ACTA2: variants seen among roughly 807,000 people sequenced by gnomAD.
ACTA2 encodes actin alpha 2, smooth muscle.
ACTA2 carries 12 observed loss-of-function variants against 39.5 expected under a neutral mutation model. The ratio of observed to expected loss-of-function variants is 0.30; its 90% CI spans 0.19 to 0.49. The LOEUF is 0.49. Ranked by LOEUF, ACTA2 falls within the 20% of genes least tolerant of loss-of-function variation. The probability of loss-of-function intolerance (pLI) is 0.99; values close to 1 mark genes in which losing one functional copy is unlikely to be tolerated. For missense variants in ACTA2, 236 were observed against 498.8 expected (o/e 0.47, Z 5.02); for synonymous variants, 158 against 180.6 (o/e 0.88, Z 1.00).
intron 1 of ACTA2, among the ~76,000 whole-genome samples, chr10:88,975,502 CAGGTGGAACAGT>C (rs1846541837): frequency 6.6e-6 from 1 of 152,108 alleles, no homozygotes. Context: ...CGTAAAGAAT[CAGGTGGAACAGT>C]AGAGATGGTA....
At chr10:88,973,325 A>G (rs760022320) in intron 1 of ACTA2, 1 of 1,560,414 alleles carries the variant, frequency 6.4e-7, no homozygotes, top group South Asian at 1.2e-5. Context: ...AGAGACAAGA[A>G]GTGGAATGGA....
chr10:88,983,633 A>G (rs1398891193), intron 1 of ACTA2, among the ~76,000 whole-genome samples: 2 of 135,890 alleles, frequency 1.5e-5, no homozygotes, highest in Admixed American at 7.4e-5. Context: ...AAAAAAAAAA[A>G]AAAAAACACA....
chr10:88,980,154 G>C (rs1846674849), intron 1 of ACTA2, among the ~76,000 whole-genome samples: 1 of 151,964 alleles, frequency 6.6e-6, no homozygotes, highest in Admixed American at 6.5e-5. Flanking sequence ...AAATGAAATA[G>C]TTCAGTTTTA....
rs150563493 is a variant in ACTA2 at position 88,965,576 on chromosome 10, C to T, written c.-23-16623G>A. ...AGGAGGTCAAACACATTAGGTATAC[C>T]AACATATCGACCACCAAAAGCCAAT... is the stretch of plus-strand genomic sequence containing the variant. On this transcript the variant is annotated intron_variant, in intron 1 of 4. Coordinates refer to the ACTA2 transcript ENST00000415557. Among the ~76,000 whole-genome samples, 910 of 152,148 alleles carry T rather than the reference C, an allele frequency of 6.0e-3. 14 individuals are homozygous for T. The highest frequency in any genetic ancestry group is 0.021 in the African/African-American group (855 of 41,526).
intron 1 of ACTA2, among the ~76,000 whole-genome samples, chr10:88,959,681 T>C (rs1270384601): frequency 6.6e-6 from 1 of 152,246 alleles, no homozygotes; most frequent in African/African-American, 2.4e-5. Context: ...TATTTATACA[T>C]TTTTAAGGAA....
chr10:88,978,850 C>A (rs977169946), intron 1 of ACTA2, among the ~76,000 whole-genome samples: 7 of 151,998 alleles, frequency 4.6e-5, no homozygotes, highest in African/African-American at 9.7e-5. Context: ...TTAGAAGCAA[C>A]CTTCCTTATT....
chr10:88,948,100 C>T, intron 2 of ACTA2: 1 of 156,536 alleles, frequency 6.4e-6, no homozygotes, highest in Admixed American at 6.1e-5. Flanking sequence ...GCGGCTTGTG[C>T]AGAATATCTC....
chr10:88,954,995 T>G (rs1283218685), upstream of ACTA2, among the ~76,000 whole-genome samples: 1 of 64,676 alleles, frequency 1.5e-5, no homozygotes, highest in Non-Finnish European at 3.1e-5. Flanking sequence ...ATGGAACAAT[T>G]AGAAAAACAG....
chr10:88,971,912 CT>C (rs547839484), intron 1 of ACTA2, among the ~76,000 whole-genome samples: 942 of 139,630 alleles, frequency 6.7e-3, no homozygotes, highest in Middle Eastern at 7.4e-3. Context: ...AAGGGGACTA[CT>C]TTTTTTTTTT....
intron 6 of ACTA2, 121 bp downstream of exon 6, chr10:88,941,108 G>A (rs529718616): frequency 8.1e-7 from 1 of 1,241,098 alleles, no homozygotes; most frequent in African/African-American, 1.5e-5. Context: ...CTGTGCATTA[G>A]AGCCAGGCCT....
chr10:88,980,040 C>T (rs922893015), intron 1 of ACTA2, among the ~76,000 whole-genome samples: 11 of 152,286 alleles, frequency 7.2e-5, no homozygotes, highest in South Asian at 2.1e-4. Context: ...CCAGCTGAGC[C>T]GAAAGATAAA....
rs768473863 is a variant in ACTA2 at position 88,943,950 on chromosome 10, T to C, written c.259-43A>G. 1.9e-6 allele frequency: 3 copies of C among 1,572,780 alleles called. No homozygotes were observed. The East Asian group carries it at 6.7e-5, about 35-fold the overall frequency. ...AGAGGAGAAACACAATGATGTGCTGTCATGAGGTCCTGCATTTCCCAAAAA... is the reference window on the plus strand; with the variant it reads ...AGAGGAGAAACACAATGATGTGCTGCCATGAGGTCCTGCATTTCCCAAAAA... On this transcript the variant is annotated intron_variant, in intron 3 of 8. Coordinates refer to ENST00000224784, the MANE Select transcript of ACTA2 (RefSeq NM_001613.4).
chr10:88,942,361 T>C (rs1029276192), intron 4 of ACTA2, among the ~76,000 whole-genome samples: 4 of 152,248 alleles, frequency 2.6e-5, no homozygotes, highest in Non-Finnish European at 4.4e-5. Flanking sequence ...AGAGAACTTT[T>C]AAATCTGAAG....
At chr10:88,980,454 A>G (rs1263015086) in intron 1 of ACTA2, among the ~76,000 whole-genome samples, 1 of 152,188 alleles carries the variant, frequency 6.6e-6, no homozygotes, top group East Asian at 1.9e-4. Flanking sequence ...GCCAAAAGAG[A>G]GACGCATTTC....
chr10:88,943,583 C>A, intron 4 of ACTA2: 1 of 618,536 alleles, frequency 1.6e-6, no homozygotes, highest in Non-Finnish European at 3.0e-6. Flanking sequence ...TTTAAATTTC[C>A]TATTGCTTTT....
chr10:88,960,813 T>C (rs1354008840), intron 1 of ACTA2, among the ~76,000 whole-genome samples: 1 of 152,182 alleles, frequency 6.6e-6, no homozygotes, highest in Non-Finnish European at 1.5e-5. Context: ...GTGGATTCCT[T>C]GAACTAGTAA....
intron 1 of ACTA2, among the ~76,000 whole-genome samples, chr10:88,965,908 A>G (rs1846310487): frequency 6.6e-6 from 1 of 152,150 alleles, no homozygotes. Flanking sequence ...GAGGTACACC[A>G]ATGTTTTTTT....
chr10:88,941,266 C>T lies in ACTA2; in HGVS notation c.579G>A (p.Lys193=), dbSNP rs772458406. The T allele has an allele frequency of 2.5e-6, 4 of 1,614,014 alleles. No homozygotes were observed. Among genetic ancestry groups the T allele is most frequent in the Non-Finnish European group, 3.4e-6 (4 of 1,179,940 alleles). Residue 193 remains lysine, a synonymous_variant, in exon 6 of 9, where the codon AAG becomes AAA. Transcript: ENST00000224784. The stretch of plus-strand genomic sequence containing the variant: ...AGGAATAGCCACGCTCAGTCAGGAT[C>T]TTCATGAGGTAGTCAGTGAGATCTC... ...AGRDLTDYLM[K]ILTERGYSFV... is the part of the protein sequence containing the mutation.
intron 1 of ACTA2, among the ~76,000 whole-genome samples, chr10:88,959,017 G>A (rs1345558640): frequency 2.0e-5 from 3 of 152,184 alleles, no homozygotes; most frequent in South Asian, 4.2e-4. Context: ...CCACAAACAA[G>A]CCATTTATAC....
Sources: gnomAD v4.1 joint callset for allele counts (sites outside exome capture counted in the v4.1 genomes callset) on GRCh38, gnomAD v4.1.1 for gene constraint, MANE v1.5 for transcripts, NCBI Gene and HGNC (gene_info 2026-07-23, HGNC 2026-07-21) for gene names.